KCNH7: variants seen among roughly 807,000 people sequenced by gnomAD.
KCNH7 encodes potassium voltage-gated channel subfamily H member 7.
KCNH7 carries 49 observed loss-of-function variants against 120.8 expected under a neutral mutation model. That is an observed-to-expected ratio of 0.41 (90% confidence interval 0.32 to 0.51). The LOEUF is 0.51. Ranked by LOEUF, KCNH7 falls within the 20% of genes least tolerant of loss-of-function variation. The pLI is 0.38. For missense variants in KCNH7, 1,097 were observed against 1,446.6 expected (o/e 0.76, Z 3.92); for synonymous variants, 547 against 516.1 (o/e 1.06, Z -0.81).
intron 4 of KCNH7, among the ~76,000 whole-genome samples, chr2:162,513,174 TTCCC>T (rs374134165): frequency 0.84 from 70,423 of 84,188 alleles, 31,436 homozygotes; most frequent in Non-Finnish European, 0.99. Flanking sequence ...CCTCCCTTCT[TTCCC>T]TCCCTCCCTC....
intron 8 of KCNH7, among the ~76,000 whole-genome samples, chr2:162,429,341 G>A (rs1319024733): frequency 3.6e-5 from 5 of 138,298 alleles, no homozygotes; most frequent in African/African-American, 5.9e-5. Flanking sequence ...TTGCTTTAAG[G>A]AGTCAATTAT....
intron 6 of KCNH7, among the ~76,000 whole-genome samples, chr2:162,476,205 A>G (rs114208648): frequency 0.011 from 1,605 of 152,320 alleles, 25 homozygotes; most frequent in African/African-American, 0.037. Context: ...AACTTGCTGA[A>G]ATAATGCCCT....
intron 2 of KCNH7, among the ~76,000 whole-genome samples, chr2:162,668,741 G>A (rs58660113): frequency 0.13 from 19,909 of 151,986 alleles, 1,487 homozygotes; most frequent in East Asian, 0.34. Context: ...AAAAAAGGAT[G>A]GAATCTTTAC....
intron 2 of KCNH7, among the ~76,000 whole-genome samples, chr2:162,697,523 A>G (rs1457116244): frequency 6.6e-6 from 1 of 152,264 alleles, no homozygotes; most frequent in East Asian, 1.9e-4. Context: ...ATTCTAATTG[A>G]TAATATTAAA....
At chr2:162,551,500 T>A (rs1240249656) in intron 2 of KCNH7, among the ~76,000 whole-genome samples, 2 of 152,056 alleles carry the variant, frequency 1.3e-5, no homozygotes, top group Admixed American at 6.5e-5. Flanking sequence ...GCACTTGAAT[T>A]TCTAAGTCAT....
chr2:162,536,220 T>A (rs1692102608), intron 3 of KCNH7, among the ~76,000 whole-genome samples: 1 of 151,932 alleles, frequency 6.6e-6, no homozygotes, highest in South Asian at 2.1e-4. Context: ...GACGCATTAT[T>A]TTCTAGGTAA....
Position 162,379,994 on chromosome 2 carries a change from C to T in KCNH7, c.2990G>A (p.Arg997Gln), listed in dbSNP as rs765637882. ...KDITDMRSWE[R>Q]ENAHPQPEDS... ...TTCAGGCTGGGGATGTGCATTTTCT[C>T]GTTCCCAGCTTCGCATGTCAGTGAT... The change falls in exon 14 of 16, where the codon CGA (arginine) becomes CAA (glutamine). Residue 997 changes from arginine to glutamine, a missense_variant. Physicochemically the swap from Arg to Gln is conservative, Grantham distance 43. This residue lies in a region of KCNH7 where 406 missense variants were observed against 410.5 expected (regional missense o/e 0.99). Coordinates refer to ENST00000332142, the MANE Select transcript of KCNH7 (RefSeq NM_033272.4). 72 of 1,613,850 alleles carry T rather than the reference C, an allele frequency of 4.5e-5. 1 individual carries two copies. The highest frequency in any genetic ancestry group is 1.5e-4 in the Admixed American group (9 of 59,984).
Position 162,480,833 on chromosome 2 carries a change from G to A in KCNH7, c.1128+23610C>T, listed in dbSNP as rs144007488. Among the ~76,000 whole-genome samples the A allele has an allele frequency of 3.7e-4, 57 of 152,278 alleles. No individual in the cohort carries two copies. The East Asian group carries it at 0.01, about 28-fold the overall frequency. On this transcript the variant is annotated intron_variant, in intron 6 of 15. Coordinates refer to ENST00000332142, the MANE Select transcript of KCNH7 (RefSeq NM_033272.4). Reference sequence around the variant, plus strand: ...TATAGGGCAAGAAGTTACGAAGTGAGGGGGTTAAGGAAAAAGAGGTGGAAA... The same window carrying A: ...TATAGGGCAAGAAGTTACGAAGTGAAGGGGTTAAGGAAAAAGAGGTGGAAA...
At chr2:162,465,905 A>G (rs1373142291) in intron 6 of KCNH7, among the ~76,000 whole-genome samples, 1 of 152,152 alleles carries the variant, frequency 6.6e-6, no homozygotes, top group Non-Finnish European at 1.5e-5. Context: ...TCCATCATCA[A>G]TATTCCATTT....
chr2:162,504,079 T>G (rs1167811033), intron 6 of KCNH7, among the ~76,000 whole-genome samples: 1 of 151,952 alleles, frequency 6.6e-6, no homozygotes, highest in African/African-American at 2.4e-5. Context: ...TGCTAATTAG[T>G]CCCCTAAAGC....
chr2:162,813,988 T>A (rs533031259), intron 2 of KCNH7, among the ~76,000 whole-genome samples: 1 of 152,322 alleles, frequency 6.6e-6, no homozygotes, highest in African/African-American at 2.4e-5. Context: ...ATTAAACACA[T>A]TCTGACTTTT....
intron 2 of KCNH7, among the ~76,000 whole-genome samples, chr2:162,687,748 G>A (rs996552910): frequency 6.6e-6 from 1 of 152,094 alleles, no homozygotes; most frequent in African/African-American, 2.4e-5. Context: ...AAGATTAAGG[G>A]TACATTAATT....
rs767475048 is a variant in KCNH7, at chr2:162,546,530, G to A, written c.308-9450C>T. 2.6e-5 allele frequency among the ~76,000 whole-genome samples: 4 copies of A among 152,260 alleles called. 1 individual carries two copies. The highest frequency in any genetic ancestry group is 4.1e-4 in the South Asian group (2 of 4,822). ...TGCCATAGTAAGTGCACACGATTGT[G>A]AAGGTCAAGCCGCAGTGAGAATCCT... is the stretch of plus-strand genomic sequence containing the variant. On this transcript the variant is annotated intron_variant, in intron 2 of 15. Coordinates refer to ENST00000332142, the MANE Select transcript of KCNH7 (RefSeq NM_033272.4).
intron 2 of KCNH7, among the ~76,000 whole-genome samples, chr2:162,680,090 A>C (rs1397532658): frequency 2.0e-5 from 3 of 151,732 alleles, no homozygotes; most frequent in African/African-American, 7.2e-5. Context: ...TTGCAGTCTC[A>C]ATATTTTGTG....
intron 2 of KCNH7, among the ~76,000 whole-genome samples, chr2:162,770,516 A>G (rs1168845361): frequency 1.3e-5 from 2 of 151,986 alleles, no homozygotes; most frequent in Non-Finnish European, 2.9e-5. Flanking sequence ...AACCTCTTTG[A>G]GCATCCGTTT....
chr2:162,471,017 T>C lies in KCNH7; in HGVS notation c.1129-24574A>G, dbSNP rs187415218. ...TAAATGGATTAAGGGCGGTGCAAGATGTGCTTTGTTAAACAGATGCTTGAA... is the reference window on the plus strand; with the variant it reads ...TAAATGGATTAAGGGCGGTGCAAGACGTGCTTTGTTAAACAGATGCTTGAA... On this transcript the variant is annotated intron_variant, in intron 6 of 15. Transcript: ENST00000332142. 2.6e-5 allele frequency among the ~76,000 whole-genome samples: 4 copies of C among 152,290 alleles called. No homozygotes were observed. The East Asian group carries it at 7.7e-4, about 29-fold the overall frequency.
At chr2:162,386,168 A>G (rs1335126220) in intron 12 of KCNH7, among the ~76,000 whole-genome samples, 1 of 151,898 alleles carries the variant, frequency 6.6e-6, no homozygotes, top group Non-Finnish European at 1.5e-5. Context: ...GACATCATTG[A>G]TTACTTACTG....
At chr2:162,629,179 A>G (rs902058722) in intron 2 of KCNH7, among the ~76,000 whole-genome samples, 1 of 152,096 alleles carries the variant, frequency 6.6e-6, no homozygotes, top group Non-Finnish European at 1.5e-5. Flanking sequence ...AAATACCCTC[A>G]TGTATGGCCG....
chr2:162,430,784 C>T (rs1289284486), intron 8 of KCNH7, among the ~76,000 whole-genome samples: 4 of 151,868 alleles, frequency 2.6e-5, no homozygotes, highest in African/African-American at 9.7e-5. Context: ...GAAATTCTCC[C>T]AATCAAGATG....
Sources: gnomAD v4.1 joint callset for allele counts (sites outside exome capture counted in the v4.1 genomes callset) on GRCh38, gnomAD v4.1.1 for gene constraint, gnomAD v4.1.1 regional missense constraint, MANE v1.5 for transcripts, NCBI Gene and HGNC (gene_info 2026-07-23, HGNC 2026-07-21) for gene names.